GRID1: variants seen among roughly 807,000 people sequenced by gnomAD.
The protein encoded by GRID1 is glutamate receptor ionotropic, delta-1.
A neutral mutation model predicts 98.0 loss-of-function variants in GRID1; 28 were observed. That is an observed-to-expected ratio of 0.29 (90% CI 0.21 to 0.39). GRID1 has a LOEUF of 0.39. Ranked by LOEUF, GRID1 falls within the 10% of genes least tolerant of loss-of-function variation. The probability of loss-of-function intolerance (pLI) is 1.00; values close to 1 mark genes in which losing one functional copy is unlikely to be tolerated. For synonymous variants in GRID1, 553 were observed against 538.5 expected (o/e 1.03, Z -0.37); for missense variants, 1,111 against 1,340.5 (o/e 0.83, Z 2.67).
At chr10:85,729,916 C>A (rs1841804546) in intron 8 of GRID1, among the ~76,000 whole-genome samples, 1 of 152,202 alleles carries the variant, frequency 6.6e-6, no homozygotes. Flanking sequence ...TCTGTTCACC[C>A]ACAGAGGCCA....
At chr10:86,058,546 T>A (rs1179625029) in intron 4 of GRID1, among the ~76,000 whole-genome samples, 1 of 152,200 alleles carries the variant, frequency 6.6e-6, no homozygotes, top group Admixed American at 6.5e-5. Context: ...ATAGAGACAA[T>A]GACCACAGCT....
At chr10:86,262,822 G>A (rs1314617605) in intron 2 of GRID1, among the ~76,000 whole-genome samples, 1 of 152,160 alleles carries the variant, frequency 6.6e-6, no homozygotes, top group Admixed American at 6.5e-5. Flanking sequence ...CACAACTAAA[G>A]GTTTGCTCCT....
At position 86,206,276 on chromosome 10, in the gene GRID1, G is replaced by T; in HGVS notation, c.520+88C>A. 1.5e-6 allele frequency: 2 copies of T among 1,324,500 alleles called. No homozygotes were observed. The highest frequency in any genetic ancestry group is 1.4e-5 in the South Asian group (1 of 72,356). 82.0% of individuals were successfully genotyped at this position (1,324,500 alleles called of 1,614,324 possible). ...CACTCAGCACAGACCACCCCTGACC[G>T]GTCCAGGGCCCCACCCACTCTCAGG... On this transcript the variant is annotated intron_variant, in intron 3 of 15. Transcript: ENST00000327946. The surrounding 1 kb of genome is among the most constrained non-coding windows in gnomAD (Gnocchi z 4.1).
intron 8 of GRID1, among the ~76,000 whole-genome samples, chr10:85,778,041 T>A (rs1191856917): frequency 6.6e-6 from 1 of 152,186 alleles, no homozygotes; most frequent in Non-Finnish European, 1.5e-5. Flanking sequence ...ATGGGATCTG[T>A]TGGAAGACAC....
chr10:86,117,877 C>T (rs759685457), intron 4 of GRID1, among the ~76,000 whole-genome samples: 2 of 152,194 alleles, frequency 1.3e-5, no homozygotes, highest in Non-Finnish European at 2.9e-5. Context: ...AGTACCACCT[C>T]TATGGACAAC....
At chr10:85,950,322 G>C (rs1281947963) in intron 4 of GRID1, among the ~76,000 whole-genome samples, 1 of 152,212 alleles carries the variant, frequency 6.6e-6, no homozygotes, top group Non-Finnish European at 1.5e-5. Context: ...CGGAAATGGA[G>C]TGGCAAGAAC....
intron 12 of GRID1, among the ~76,000 whole-genome samples, chr10:85,649,848 C>T (rs1283221246): frequency 6.6e-6 from 1 of 152,112 alleles, no homozygotes; most frequent in Non-Finnish European, 1.5e-5. Context: ...CAAAATGCCA[C>T]CCCCATCTTC....
intron 5 of GRID1, among the ~76,000 whole-genome samples, chr10:85,903,183 G>A (rs1028351729): frequency 3.3e-5 from 5 of 151,998 alleles, no homozygotes; most frequent in African/African-American, 7.3e-5. Context: ...CTGTGTAATG[G>A]TCTAATAGGT....
At chr10:86,313,759 C>T (rs893974276) in intron 2 of GRID1, among the ~76,000 whole-genome samples, 1 of 152,206 alleles carries the variant, frequency 6.6e-6, no homozygotes, top group African/African-American at 2.4e-5. Context: ...AGCTGGGCTG[C>T]ACCCTGCGCT....
At chr10:85,839,691 C>G (rs940105162) in intron 8 of GRID1, among the ~76,000 whole-genome samples, 1 of 151,924 alleles carries the variant, frequency 6.6e-6, no homozygotes, top group Non-Finnish European at 1.5e-5. Flanking sequence ...AGTTAACAAC[C>G]TAACATCACA....
chr10:86,269,828 T>C (rs1847158742), intron 2 of GRID1, among the ~76,000 whole-genome samples: 1 of 152,158 alleles, frequency 6.6e-6, no homozygotes, highest in East Asian at 1.9e-4. Flanking sequence ...TTATTGACCA[T>C]CGCCTAGGTG....
Position 86,363,941 on chromosome 10 carries a change from C to T in GRID1, c.235G>A (p.Ala79Thr). 2 of 1,613,448 alleles carry T rather than the reference C, an allele frequency of 1.2e-6. No individual in the cohort carries two copies. Among genetic ancestry groups the T allele is most frequent in the Non-Finnish European group, 1.7e-6 (2 of 1,179,578 alleles). Reference sequence around the variant, plus strand: ...GGCCCTGGGCACAGCGGTCACTCACCTTCCTGCACAGCCTGGAATGGGTTG... The same window carrying T: ...GGCCCTGGGCACAGCGGTCACTCACTTTCCTGCACAGCCTGGAATGGGTTG... ...ANNPFQAVQE[A>T]CDLMTQGILA... The change falls in exon 2 of 16, where the codon GCC becomes ACC. Residue 79 changes from alanine to threonine, a missense_variant and splice_region_variant. Ala to Thr is a moderately conservative substitution (Grantham distance 58, BLOSUM62 0). Transcript: ENST00000327946.
intron 13 of GRID1, among the ~76,000 whole-genome samples, chr10:85,634,621 G>A (rs530371034): frequency 6.6e-6 from 1 of 152,232 alleles, no homozygotes; most frequent in East Asian, 1.9e-4. Flanking sequence ...CCTCAATGGT[G>A]AAGATAAAGT....
chr10:85,994,024 A>T (rs1842712590), intron 4 of GRID1, among the ~76,000 whole-genome samples: 1 of 152,140 alleles, frequency 6.6e-6, no homozygotes, highest in Non-Finnish European at 1.5e-5. Flanking sequence ...GCAACTTTTA[A>T]CCTTGTTGGA....
chr10:86,352,137 C>T (rs555493549), intron 2 of GRID1, among the ~76,000 whole-genome samples: 1 of 152,348 alleles, frequency 6.6e-6, no homozygotes, highest in East Asian at 1.9e-4. Flanking sequence ...CCCGTCTCTA[C>T]TAAAAATACA....
intron 4 of GRID1, among the ~76,000 whole-genome samples, chr10:86,025,377 G>A (rs1027383010): frequency 6.6e-6 from 1 of 152,294 alleles, no homozygotes; most frequent in African/African-American, 2.4e-5. Flanking sequence ...CCTTGAATAC[G>A]AGTGATTCCA....
intron 4 of GRID1, among the ~76,000 whole-genome samples, chr10:86,099,433 T>A (rs896625795): frequency 6.6e-6 from 1 of 151,040 alleles, no homozygotes; most frequent in African/African-American, 2.4e-5. Flanking sequence ...TACAAGAAAA[T>A]CATCATGGCA....
chr10:85,612,259 A>G (rs543893812), intron 15 of GRID1, among the ~76,000 whole-genome samples: 21 of 152,246 alleles, frequency 1.4e-4, no homozygotes, highest in Admixed American at 1.2e-3. Flanking sequence ...CACATGGTGG[A>G]CCCAGCCTTG....
At chr10:86,116,068 T>C (rs1436743664) in intron 4 of GRID1, among the ~76,000 whole-genome samples, 3 of 152,184 alleles carry the variant, frequency 2.0e-5, no homozygotes, top group African/African-American at 7.2e-5. Flanking sequence ...ACTGTCTAGG[T>C]TTGTGTAAGT....
Sources: allele counts gnomAD v4.1 joint callset (sites outside exome capture counted in the v4.1 genomes callset), GRCh38; gene constraint gnomAD v4.1.1; non-coding constraint Gnocchi (gnomAD v3.1); transcripts MANE v1.5; gene names NCBI Gene and HGNC (gene_info 2026-07-23, HGNC 2026-07-21).